Variants in CDC16 observed in about 807,000 individuals in gnomAD.
CDC16 encodes cell division cycle protein 16 homolog.
A neutral mutation model predicts 87.0 loss-of-function variants in CDC16; 34 were observed. The observed-to-expected ratio is 0.39, with a 90% CI of 0.30 to 0.52. The LOEUF is 0.52. Among genes scored for constraint, CDC16 ranks in the 20% least tolerant of loss-of-function variants. CDC16 has a pLI of 0.74. For missense variants in CDC16, 653 were observed against 751.9 expected (o/e 0.87, Z 1.54); for synonymous variants, 263 against 260.6 (o/e 1.01, Z -0.09).
At position 114,234,961 on chromosome 13, in the gene CDC16, CCTTCGAGTCCTGG is replaced by C. The variant is rs1419247197; in HGVS notation, c.-123_-111del. The C allele has an allele frequency of 7.2e-5, 48 of 662,624 alleles. No homozygotes were observed. The highest frequency in any genetic ancestry group is 5.6e-4 in the South Asian group (9 of 15,956). 41.0% of individuals were successfully genotyped at this position (662,624 alleles called of 1,614,324 possible). On this transcript the variant is annotated 5_prime_UTR_variant, in exon 1 of 18. Coordinates refer to ENST00000356221, the MANE Select transcript of CDC16 (RefSeq NM_001078645.3). ...GGACCTGCGGCCTTCGAGTCCGCGG[CCTTCGAGTCCTGG>C]GGCGGCGGCGGCGGCTGCAGGCACG...
intron 1 of CDC16, among the ~76,000 whole-genome samples, chr13:114,235,604 C>T (rs1281241799): frequency 1.3e-5 from 2 of 152,236 alleles, no homozygotes; most frequent in African/African-American, 2.4e-5. Context: ...TCTGTGTTCT[C>T]TGCACTACCT....
At chr13:114,260,622 G>C (rs2082789575) in intron 14 of CDC16, among the ~76,000 whole-genome samples, 1 of 152,204 alleles carries the variant, frequency 6.6e-6, no homozygotes, top group South Asian at 2.1e-4. Context: ...ACTAAATTTA[G>C]AGTCTTACAG....
Position 114,259,367 on chromosome 13 carries a change from C to G in CDC16, c.1283C>G (p.Ala428Gly), listed in dbSNP as rs1460408267. 6.3e-7 allele frequency: 1 copy of G among 1,575,646 alleles called. No individual in the cohort carries two copies. The highest frequency in any genetic ancestry group is 8.5e-7 in the Non-Finnish European group (1 of 1,169,594). ...WKTAEKWFLD[A>G]LEKIKAIGNE... ...ACAGCCGAAAAATGGTTTCTTGATG[C>G]TTTGGAAAAAATTAAAGCAATTGGG... The change falls in exon 14 of 18, where the codon GCT (alanine) becomes GGT (glycine). Residue 428 changes from alanine (A) to glycine (G), a missense_variant. Ala to Gly is a moderately conservative substitution (Grantham distance 60). Coordinates refer to ENST00000356221, the MANE Select transcript of CDC16 (RefSeq NM_001078645.3).
intron 16 of CDC16, chr13:114,264,831 C>A: frequency 4.9e-6 from 1 of 202,226 alleles, no homozygotes; most frequent in South Asian, 9.2e-5. Flanking sequence ...TGGTCTCGAA[C>A]TCCTGAGCCC....
chr13:114,249,006 G>A lies in CDC16; in HGVS notation c.972-1543G>A, dbSNP rs138600803. ...GGACTGGTTTCTTGATGATTCAAGC[G>A]CATTACATTTATCGTGTGCTTTTTT... On this transcript the variant is annotated intron_variant, in intron 11 of 17. Transcript: ENST00000356221. Among the ~76,000 whole-genome samples, 1,503 of 151,912 alleles carry A rather than the reference G, an allele frequency of 9.9e-3. 22 individuals are homozygous for A. The highest frequency in any genetic ancestry group is 0.034 in the African/African-American group (1,411 of 41,396).
chr13:114,246,048 C>A lies in CDC16; in HGVS notation c.896C>A (p.Pro299His). The A allele has an allele frequency of 7.1e-7, 1 of 1,405,476 alleles. No individual in the cohort carries two copies. The highest frequency in any genetic ancestry group is 9.8e-7 in the Non-Finnish European group (1 of 1,018,480). 87.1% of individuals were successfully genotyped at this position (1,405,476 alleles called of 1,614,324 possible). Residue 299 changes from proline (P) to histidine (H), a missense_variant and splice_region_variant, in exon 10 of 18, where the codon CCT (proline) becomes CAT (histidine). Pro to His is a moderately conservative substitution (Grantham distance 77). Transcript: ENST00000356221. ...HKLVDLYPSNPVSWFAVGCYY... is the reference protein window; with the variant it reads ...HKLVDLYPSNHVSWFAVGCYY... ...CTGGTGGATTTATATCCTAGTAATC[C>A]TGTAAGTAATATAACTTTTAGTCTT... is the stretch of plus-strand genomic sequence containing the variant.
chr13:114,271,403 A>G (rs909413852), intron 17 of CDC16, among the ~76,000 whole-genome samples: 1 of 152,158 alleles, frequency 6.6e-6, no homozygotes, highest in African/African-American at 2.4e-5. Flanking sequence ...AGGTTTTAAT[A>G]TATGGGAAAT....
intron 9 of CDC16, 148 bp from the exon 10 acceptor site, chr13:114,245,848 TAGAG>T (rs991628105): frequency 1.5e-4 from 88 of 594,128 alleles, no homozygotes; most frequent in Admixed American, 1.1e-3. Context: ...ACTCTCCAGT[TAGAG>T]AGTTAATTTT....
chr13:114,239,784 T>C (rs561231883), intron 5 of CDC16, among the ~76,000 whole-genome samples: 1 of 152,360 alleles, frequency 6.6e-6, no homozygotes, highest in East Asian at 1.9e-4. Context: ...TCTTCTCCTT[T>C]CTGTGTTTCA....
intron 9 of CDC16, among the ~76,000 whole-genome samples, 189 bp downstream of exon 9, chr13:114,245,158 A>G (rs1383532625): frequency 6.6e-6 from 1 of 152,160 alleles, no homozygotes; most frequent in Non-Finnish European, 1.5e-5. Context: ...TTGTTTTCCC[A>G]TCAGAACAAT....
At chr13:114,263,536 G>C (rs571549612) in intron 16 of CDC16, among the ~76,000 whole-genome samples, 1 of 152,252 alleles carries the variant, frequency 6.6e-6, no homozygotes, top group South Asian at 2.1e-4. Flanking sequence ...TGTACTTAGA[G>C]AAAATATTCT....
rs1440520910 is a variant in CDC16, at chr13:114,257,224, A to G, written c.1244A>G (p.Asn415Ser). 1 of 1,571,592 alleles carries G rather than the reference A, an allele frequency of 6.4e-7. No homozygotes were observed. The highest frequency in any genetic ancestry group is 8.7e-7 in the Non-Finnish European group (1 of 1,153,362). The stretch of plus-strand genomic sequence containing the variant: ...GAGGTCGGCGTGGTTGCATTTCAGA[A>G]TGGAGAGTAAGTACTGGAAGACCAG... ...MHEVGVVAFQ[N>S]GEWKTAEKWF... Residue 415 changes from asparagine to serine, a missense_variant, in exon 13 of 18, where the codon AAT becomes AGT. By Grantham distance (46) the Asn-to-Ser change is conservative. Coordinates refer to ENST00000356221, the MANE Select transcript of CDC16 (RefSeq NM_001078645.3).
At position 114,246,941 on chromosome 13, in the gene CDC16, T is replaced by G; in HGVS notation, c.908T>G (p.Phe303Cys). 6.2e-7 allele frequency: 1 copy of G among 1,611,176 alleles called. No individual in the cohort carries two copies. Among genetic ancestry groups the G allele is most frequent in the Admixed American group, 1.7e-5 (1 of 60,018 alleles). The change falls in exon 11 of 18, where the codon TTT (phenylalanine) becomes TGT (cysteine). Residue 303 changes from phenylalanine to cysteine, a missense_variant. By Grantham distance (205) the Phe-to-Cys change is radical (BLOSUM62 -2). Coordinates refer to ENST00000356221, the MANE Select transcript of CDC16 (RefSeq NM_001078645.3). ...DLYPSNPVSW[F>C]AVGCYYLMVG... The stretch of plus-strand genomic sequence containing the variant: ...TTTTGAACTTTTTAGGTGTCTTGGT[T>G]TGCAGTGGGATGTTACTATCTCATG...
chr13:114,255,440 A>G (rs1389298447), intron 12 of CDC16, among the ~76,000 whole-genome samples: 2 of 152,222 alleles, frequency 1.3e-5, no homozygotes, highest in African/African-American at 2.4e-5. Context: ...GCCCAACAAT[A>G]TAATTGCACA....
intron 10 of CDC16, among the ~76,000 whole-genome samples, chr13:114,246,700 A>AG (rs34168115): frequency 1.3e-5 from 2 of 152,176 alleles, no homozygotes; most frequent in African/African-American, 4.8e-5. Context: ...TTTTTGAAAC[A>AG]GGGACTCCTC....
At chr13:114,260,564 C>T (rs1181589126) in intron 14 of CDC16, among the ~76,000 whole-genome samples, 1 of 152,188 alleles carries the variant, frequency 6.6e-6, no homozygotes, top group African/African-American at 2.4e-5. Context: ...GAAGCACTTT[C>T]CTAAACCATA....
chr13:114,263,107 AT>A, intron 16 of CDC16, 93 bp downstream of exon 16: 1 of 1,131,190 alleles, frequency 8.8e-7, no homozygotes. Context: ...TTGACTTACT[AT>A]TTTAATATTC....
chr13:114,242,961 G>A (rs988131757), intron 6 of CDC16, among the ~76,000 whole-genome samples: 2 of 152,172 alleles, frequency 1.3e-5, no homozygotes, highest in Non-Finnish European at 2.9e-5. Flanking sequence ...AGGCTCCCCT[G>A]TTCCCAGCAG....
At chr13:114,253,670 C>T (rs576335014) in intron 12 of CDC16, among the ~76,000 whole-genome samples, 4 of 142,108 alleles carry the variant, frequency 2.8e-5, no homozygotes, top group South Asian at 2.2e-4. Flanking sequence ...GCCTGGGCGA[C>T]AGAGTGAGAC....
Sources: gnomAD v4.1 joint callset for allele counts (sites outside exome capture counted in the v4.1 genomes callset) on GRCh38, gnomAD v4.1.1 for gene constraint, MANE v1.5 for transcripts, NCBI Gene and HGNC (gene_info 2026-07-23, HGNC 2026-07-21) for gene names.